Variants in CLEC2B observed in about 807,000 individuals in gnomAD.
CLEC2B encodes the protein C-type lectin domain family 2 member B, also known as C-type (calcium dependent, carbohydrate-recognition domain) lectin, superfamily member 2 (activation-induced).
CLEC2B carries 14 observed loss-of-function variants against 16.2 expected under a neutral mutation model. The observed-to-expected ratio is 0.86, with a 90% CI of 0.57 to 1.35. The LOEUF is 1.35. CLEC2B is among the 40% of genes most tolerant of loss of function. CLEC2B has a pLI of 0.00. For missense variants in CLEC2B, 166 were observed against 182.3 expected (o/e 0.91, Z 0.52); for synonymous variants, 42 against 55.8 (o/e 0.75, Z 1.10).
chr12:9,866,080 A>C (rs1809782589), intron 1 of CLEC2B, among the ~76,000 whole-genome samples: 1 of 152,146 alleles, frequency 6.6e-6, no homozygotes, highest in South Asian at 2.1e-4. Context: ...CCTAATGATG[A>C]ACTTAAAGGA....
At chr12:9,862,145 C>T (rs987648127) in intron 2 of CLEC2B, among the ~76,000 whole-genome samples, 3 of 151,928 alleles carry the variant, frequency 2.0e-5, no homozygotes, top group Non-Finnish European at 4.4e-5. Flanking sequence ...ATGATACATG[C>T]AAATTGTATA....
Position 9,853,261 on chromosome 12 carries a change from A to ATGT in CLEC2B, c.*36_*38dup, listed in dbSNP as rs1307760834. ...TACTTTGCTGGTTTTACACTTAATA[A>ATGT]TGTTATTTTCTATTTTCCCCATTAT... On this transcript the variant is annotated 3_prime_UTR_variant, in exon 5 of 5. Coordinates refer to ENST00000228438, the MANE Select transcript of CLEC2B (RefSeq NM_005127.3). The ATGT allele has an allele frequency of 4.8e-6, 7 of 1,452,938 alleles. No individual in the cohort carries two copies. Among genetic ancestry groups the ATGT allele is most frequent in the Non-Finnish European group, 6.8e-6 (7 of 1,036,588 alleles). The allele number at this position is 1,452,938 out of a possible 1,614,324, so 90.0% of individuals were successfully genotyped here.
chr12:9,856,462 C>T (rs1400381167), intron 3 of CLEC2B, among the ~76,000 whole-genome samples: 2 of 152,046 alleles, frequency 1.3e-5, no homozygotes, highest in African/African-American at 4.8e-5. Flanking sequence ...ATCTAGCTTT[C>T]AACATTTTAC....
intron 2 of CLEC2B, among the ~76,000 whole-genome samples, 162 bp downstream of exon 2, chr12:9,862,337 A>T (rs253148): frequency 0.54 from 82,576 of 151,744 alleles, 22,647 homozygotes; most frequent in Middle Eastern, 0.58. Flanking sequence ...GATGCCTTAC[A>T]TAGGTCATGT....
At position 9,853,019 on chromosome 12, in the gene CLEC2B, C is replaced by T; in HGVS notation, c.*281G>A. The T allele has an allele frequency of 4.0e-6, 1 of 250,864 alleles. No individual in the cohort carries two copies. Among genetic ancestry groups the T allele is most frequent in the Non-Finnish European group, 7.5e-6 (1 of 132,826 alleles). The allele number at this position is 250,864 out of a possible 1,614,324, so 15.5% of individuals were successfully genotyped here. On this transcript the variant is annotated 3_prime_UTR_variant, in exon 5 of 5. Coordinates refer to ENST00000228438, the MANE Select transcript of CLEC2B (RefSeq NM_005127.3). ...AGTCCTGTCTAAGTGCTATGTCTGTCCTTGATCCCCACAATTGTTTTCTGG... is the reference window on the plus strand; with the variant it reads ...AGTCCTGTCTAAGTGCTATGTCTGTTCTTGATCCCCACAATTGTTTTCTGG...
intron 1 of CLEC2B, chr12:9,867,226 G>A (rs1449054076): frequency 2.0e-5 from 3 of 152,058 alleles, no homozygotes; most frequent in Admixed American, 6.6e-5. Flanking sequence ...ATATAACCTT[G>A]GAAGAAATCT....
At chr12:9,859,580 T>C (rs1198511375) in intron 2 of CLEC2B, among the ~76,000 whole-genome samples, 1 of 151,560 alleles carries the variant, frequency 6.6e-6, no homozygotes, top group African/African-American at 2.4e-5. Flanking sequence ...CAAAAAGAAA[T>C]CTCCCTGTCC....
chr12:9,854,617 A>G (rs1052039784), intron 3 of CLEC2B, 133 bp from the exon 4 acceptor site: 6 of 563,782 alleles, frequency 1.1e-5, no homozygotes, highest in African/African-American at 9.8e-5. Context: ...GAAAATAGCT[A>G]TGGAGTTTTG....
chr12:9,853,255 TTAA>T lies in CLEC2B; in HGVS notation c.*42_*44del, dbSNP rs760692325. The T allele has an allele frequency of 1.4e-6, 2 of 1,427,048 alleles. No individual in the cohort carries two copies. The highest frequency in any genetic ancestry group is 2.0e-6 in the Non-Finnish European group (2 of 1,014,788). 88.4% of individuals were successfully genotyped at this position (1,427,048 alleles called of 1,614,324 possible). A position where few individuals can be genotyped will look rare whatever the true frequency, so the allele number is the denominator to read the frequency against. ...AAAAAGTACTTTGCTGGTTTTACAC[TTAA>T]TAATGTTATTTTCTATTTTCCCCAT... is the stretch of plus-strand genomic sequence containing the variant. On this transcript the variant is annotated 3_prime_UTR_variant, in exon 5 of 5. Transcript: ENST00000228438.
At chr12:9,856,086 A>G (rs867961613) in intron 3 of CLEC2B, among the ~76,000 whole-genome samples, 2 of 152,062 alleles carry the variant, frequency 1.3e-5, no homozygotes, top group African/African-American at 2.4e-5. Flanking sequence ...ACATTTGAAG[A>G]TTTCTCTTAA....
chr12:9,860,049 C>A (rs1271656162), intron 2 of CLEC2B, among the ~76,000 whole-genome samples: 1 of 151,518 alleles, frequency 6.6e-6, no homozygotes, highest in African/African-American at 2.4e-5. Flanking sequence ...AATACTACTA[C>A]TAAATTGGGA....
At position 9,856,050 on chromosome 12, in the gene CLEC2B, A is replaced by G. The variant is rs192771545; in HGVS notation, c.237+1424T>C. Among the ~76,000 whole-genome samples the G allele has an allele frequency of 2.0e-5, 3 of 152,148 alleles. 1 individual carries two copies. The highest frequency in any genetic ancestry group is 4.4e-5 in the Non-Finnish European group (3 of 67,934). ...TATGATCAGTATTTTTTCTTCATCCAAACAGTACAAGCATTCTTCCCTGAT... is the reference window on the plus strand; with the variant it reads ...TATGATCAGTATTTTTTCTTCATCCGAACAGTACAAGCATTCTTCCCTGAT... On this transcript the variant is annotated intron_variant, in intron 3 of 4. Transcript: ENST00000228438.
At chr12:9,868,002 A>G (rs910407493) in intron 1 of CLEC2B, among the ~76,000 whole-genome samples, 28 of 151,746 alleles carry the variant, frequency 1.8e-4, no homozygotes, top group Non-Finnish European at 3.2e-4. Flanking sequence ...GTTAAAATGT[A>G]TATAAAAACT....
At chr12:9,868,154 G>A (rs1473873861) in intron 1 of CLEC2B, among the ~76,000 whole-genome samples, 3 of 149,366 alleles carry the variant, frequency 2.0e-5, no homozygotes, top group African/African-American at 4.9e-5. Flanking sequence ...TATGTAATAT[G>A]ATATATAATA....
intron 2 of CLEC2B, among the ~76,000 whole-genome samples, chr12:9,862,093 G>C (rs1347189590): frequency 1.3e-5 from 2 of 151,840 alleles, no homozygotes; most frequent in South Asian, 4.1e-4. Flanking sequence ...TGAATAAAAG[G>C]GAAAAGATAC....
rs890683127 is a variant in CLEC2B, at chr12:9,862,693, C to A, written c.-2-120G>T. 2.0e-5 allele frequency: 16 copies of A among 798,792 alleles called. No individual in the cohort carries two copies. In the African/African-American group the frequency reaches 2.8e-4, roughly 14 times the overall value. The allele number at this position is 798,792 out of a possible 1,614,324, so 49.5% of individuals were successfully genotyped here. A position where few individuals can be genotyped will look rare whatever the true frequency, so the allele number is the denominator to read the frequency against. On this transcript the variant is annotated intron_variant, in intron 1 of 4. Coordinates refer to ENST00000228438, the MANE Select transcript of CLEC2B (RefSeq NM_005127.3). The stretch of plus-strand genomic sequence containing the variant: ...AACAAAATATTAGTGCTGTGATTAT[C>A]CCCAGCAATATCCTAGAATTCAAAT...
In CLEC2B at chr12:9,867,181, A is replaced by C. The variant is rs184155663; in HGVS notation, c.-3+2024T>G. 249 of 152,292 alleles carry C rather than the reference A, an allele frequency of 1.6e-3. 1 individual carries two copies. Among genetic ancestry groups the C allele is most frequent in the African/African-American group, 5.1e-3 (212 of 41,564 alleles). The allele number at this position is 152,292 out of a possible 1,614,324, so 9.4% of individuals were successfully genotyped here. A position where few individuals can be genotyped will look rare whatever the true frequency, so the allele number is the denominator to read the frequency against. On this transcript the variant is annotated intron_variant, in intron 1 of 4. Transcript: ENST00000228438. ...GAAACTGATGAATGGAGACCATTAT[A>C]ACACTTTGGTGTCTTATACAACCTG... is the stretch of plus-strand genomic sequence containing the variant.
intron 2 of CLEC2B, 35 bp downstream of exon 2, chr12:9,862,464 A>G: frequency 7.0e-7 from 1 of 1,418,924 alleles, no homozygotes; most frequent in Non-Finnish European, 9.4e-7. Flanking sequence ...CACACATAGA[A>G]AGCCATGAAA....
At position 9,857,550 on chromosome 12, in the gene CLEC2B, CCTT is replaced by C. The variant is rs567854782; in HGVS notation, c.158_160del (p.Glu53del). The C allele has an allele frequency of 3.4e-4, 544 of 1,610,816 alleles. 5 individuals carry two copies. In the South Asian group the frequency reaches 5.4e-3, roughly 16 times the overall value. The stretch of plus-strand genomic sequence containing the variant: ...GTTGTATTTACTTGAATTCCAATCT[CCTT>C]CTTCTTTAGAGAAATAATAGCATTT... On this transcript the variant is annotated inframe_deletion, in exon 3 of 5. Transcript: ENST00000228438.
Sources: allele counts gnomAD v4.1 joint callset (sites outside exome capture counted in the v4.1 genomes callset), GRCh38; gene constraint gnomAD v4.1.1; transcripts MANE v1.5; gene names NCBI Gene and HGNC (gene_info 2026-07-23, HGNC 2026-07-21).